The following TBCCD1 variants were observed in gnomAD, a reference collection of about 807,000 sequenced individuals.
The protein encoded by TBCCD1 is TBCC domain containing 1.
A neutral mutation model predicts 53.4 loss-of-function variants in TBCCD1; 26 were observed. The ratio of observed to expected loss-of-function variants is 0.49; its 90% CI spans 0.36 to 0.68. The LOEUF (loss-of-function observed/expected upper bound fraction) is 0.68. Among genes scored for constraint, TBCCD1 ranks in the 30% least tolerant of loss-of-function variants. The probability of loss-of-function intolerance (pLI) is 0.00; values close to 1 mark genes in which losing one functional copy is unlikely to be tolerated. For missense variants in TBCCD1, 558 were observed against 669.5 expected, an observed-to-expected ratio of 0.83 and a Z score of 1.84; for synonymous variants, 245 against 241.7, an observed-to-expected ratio of 1.01 and a Z score of -0.13.
chr3:186,551,244 T>C lies in TBCCD1; in HGVS notation c.1580A>G (p.Asn527Ser). 1 of 1,613,960 alleles carries C rather than the reference T, an allele frequency of 6.2e-7. No individual in the cohort carries two copies. The change falls in exon 7 of 8, where the codon AAC becomes AGC. Residue 527 changes from asparagine to serine, a missense_variant. By Grantham distance (46) the Asn-to-Ser change is conservative. Transcript: ENST00000338733. ...QRKQFQVLVENKFYEWLINTG... is the reference protein window; with the variant it reads ...QRKQFQVLVESKFYEWLINTG... ...ATTAATCAACCATTCATAAAACTTGTTCTCTACCAGTACCTGGAACTGCTT... is the reference window on the plus strand; with the variant it reads ...ATTAATCAACCATTCATAAAACTTGCTCTCTACCAGTACCTGGAACTGCTT...
intron 3 of TBCCD1, among the ~76,000 whole-genome samples, chr3:186,557,730 T>C (rs1026961425): frequency 2.0e-5 from 3 of 152,164 alleles, no homozygotes; most frequent in Non-Finnish European, 2.9e-5. Context: ...CCAAGAGTAA[T>C]AGCATCATGG....
intron 2 of TBCCD1, among the ~76,000 whole-genome samples, chr3:186,560,457 C>T (rs965964048): frequency 3.3e-5 from 5 of 152,174 alleles, no homozygotes; most frequent in Admixed American, 3.3e-4. Flanking sequence ...TGGCATTTCC[C>T]ATCTTCCTTT....
At chr3:186,561,253 A>C (rs1254036553) in intron 2 of TBCCD1, among the ~76,000 whole-genome samples, 1 of 152,226 alleles carries the variant, frequency 6.6e-6, no homozygotes, top group African/African-American at 2.4e-5. Flanking sequence ...AGAAAAACCA[A>C]ATAACCTAAT....
chr3:186,547,908 A>C (rs1331397980), intron 7 of TBCCD1, among the ~76,000 whole-genome samples: 3 of 152,226 alleles, frequency 2.0e-5, no homozygotes, highest in African/African-American at 7.2e-5. Flanking sequence ...TTTAAAAAAA[A>C]ATACACCCTT....
At chr3:186,550,074 A>G (rs766122158) in intron 7 of TBCCD1, among the ~76,000 whole-genome samples, 9 of 152,014 alleles carry the variant, frequency 5.9e-5, no homozygotes, top group Non-Finnish European at 1.2e-4. Flanking sequence ...TAAACATACA[A>G]AAATTAGCTG....
Position 186,564,114 on chromosome 3 carries a change from C to A in TBCCD1, c.216G>T (p.Ala72=), listed in dbSNP as rs1714758393. 1 of 1,614,084 alleles carries A rather than the reference C, an allele frequency of 6.2e-7. No homozygotes were observed. Among genetic ancestry groups the A allele is most frequent in the South Asian group, 1.1e-5 (1 of 91,092 alleles). The change falls in exon 2 of 8, where the codon GCG becomes GCT. Residue 72 remains alanine, a synonymous_variant. Coordinates refer to ENST00000338733, the MANE Select transcript of TBCCD1 (RefSeq NM_018138.5). ...TATCAAATATTTCGAAGTAAAGCCA[C>A]GCCAGGTCCTTGGCCAACTGCAGCT... is the stretch of plus-strand genomic sequence containing the variant. The part of the protein sequence containing the change: ...CGKLQLAKDL[A]WLYFEIFDSL...
rs1464243236 is a variant in TBCCD1 at position 186,546,187 on chromosome 3, T to G, written c.*790A>C. Reference sequence around the variant, plus strand: ...AATATAGTATAAAACTATTTCTATGTCTATATACCAACAAATCATACTTCC... The same window carrying G: ...AATATAGTATAAAACTATTTCTATGGCTATATACCAACAAATCATACTTCC... On this transcript the variant is annotated 3_prime_UTR_variant, in exon 8 of 8. Transcript: ENST00000338733. The G allele has an allele frequency of 6.6e-6, 1 of 152,216 alleles. No homozygotes were observed. Among genetic ancestry groups the G allele is most frequent in the Non-Finnish European group, 1.5e-5 (1 of 68,034 alleles). The allele number at this position is 152,216 out of a possible 1,614,324, so 9.4% of individuals were successfully genotyped here. A position where few individuals can be genotyped will look rare whatever the true frequency, so the allele number is the denominator to read the frequency against.
chr3:186,565,067 G>A (rs1714788226), intron 1 of TBCCD1, among the ~76,000 whole-genome samples: 1 of 151,462 alleles, frequency 6.6e-6, no homozygotes, highest in Non-Finnish European at 1.5e-5. Flanking sequence ...CACAAGTAAA[G>A]GGCAACAAAT....
chr3:186,570,402 T>A, upstream of TBCCD1: 1 of 480,850 alleles, frequency 2.1e-6, no homozygotes, highest in Non-Finnish European at 3.7e-6. Flanking sequence ...TGGTGGAAAG[T>A]CCGAGGAAGT....
rs552699909 is a variant in TBCCD1 at position 186,547,416 on chromosome 3, C to A, written c.*22-461G>T. 1.4e-3 allele frequency among the ~76,000 whole-genome samples: 219 copies of A among 151,820 alleles called. 2 individuals are homozygous for A. The highest frequency in any genetic ancestry group is 1.9e-3 in the Admixed American group (29 of 15,264). On this transcript the variant is annotated intron_variant, in intron 7 of 7. Coordinates refer to ENST00000338733, the MANE Select transcript of TBCCD1 (RefSeq NM_018138.5). ...GATTACAGGCATGTGCCACCATGCT[C>A]AGCTAATTTTTAATTTTTTTGTAGA...
intron 4 of TBCCD1, among the ~76,000 whole-genome samples, chr3:186,555,630 T>C (rs537913993): frequency 5.6e-4 from 86 of 152,232 alleles, no homozygotes; most frequent in African/African-American, 1.7e-3. Flanking sequence ...GCAATCTCAG[T>C]TCACTGTAAC....
rs200622836 is a variant in TBCCD1, at chr3:186,558,605, G to A, written c.337-33C>T. On this transcript the variant is annotated intron_variant, in intron 2 of 7. Transcript: ENST00000338733. ...AGAAGAAAATAAAAGATGAATAGAC[G>A]TTTTAAAACATCAACCACTAGTCTA... The A allele has an allele frequency of 2.9e-4, 467 of 1,600,148 alleles. 1 individual carries two copies. The highest frequency in any genetic ancestry group is 2.3e-4 in the Non-Finnish European group (265 of 1,173,332).
intron 6 of TBCCD1, among the ~76,000 whole-genome samples, chr3:186,551,617 C>A (rs980385059): frequency 1.3e-5 from 2 of 152,200 alleles, no homozygotes; most frequent in African/African-American, 4.8e-5. Flanking sequence ...GCACCATTCA[C>A]ATTGTGATCT....
intron 2 of TBCCD1, among the ~76,000 whole-genome samples, chr3:186,562,009 G>A (rs928383960): frequency 2.0e-4 from 31 of 152,146 alleles, no homozygotes; most frequent in African/African-American, 7.2e-4. Context: ...AAGAAAACTT[G>A]GCATGCATAT....
At chr3:186,555,719 T>C (rs1714521657) in intron 4 of TBCCD1, among the ~76,000 whole-genome samples, 1 of 152,096 alleles carries the variant, frequency 6.6e-6, no homozygotes, top group African/African-American at 2.4e-5. Context: ...CCACCACGCC[T>C]GGCTAATTTT....
In TBCCD1 at chr3:186,558,515, C is replaced by T. The variant is rs1714604285; in HGVS notation, c.394G>A (p.Val132Ile). 1 of 1,614,110 alleles carries T rather than the reference C, an allele frequency of 6.2e-7. No individual in the cohort carries two copies. Among genetic ancestry groups the T allele is most frequent in the Non-Finnish European group, 8.5e-7 (1 of 1,180,020 alleles). ...LFLYIQQLNKVSLRTSLIGEE... is the reference protein window; with the variant it reads ...LFLYIQQLNKISLRTSLIGEE... Reference sequence around the variant, plus strand: ...CCAATCAAAGATGTCCTTAGGGAGACCTTGTTCAACTGTTGAATGTATAAG... The same window carrying T: ...CCAATCAAAGATGTCCTTAGGGAGATCTTGTTCAACTGTTGAATGTATAAG... The change falls in exon 3 of 8, where the codon GTC (valine) becomes ATC (isoleucine). Residue 132 changes from valine (V) to isoleucine (I), a missense_variant. Transcript: ENST00000338733.
At chr3:186,562,793 A>G (rs909708462) in intron 2 of TBCCD1, among the ~76,000 whole-genome samples, 3 of 152,186 alleles carry the variant, frequency 2.0e-5, no homozygotes, top group Admixed American at 6.5e-5. Flanking sequence ...GTTTCACAGC[A>G]TATACTTATC....
intron 2 of TBCCD1, among the ~76,000 whole-genome samples, chr3:186,560,809 T>A (rs557365703): frequency 1.4e-4 from 21 of 152,228 alleles, no homozygotes; most frequent in African/African-American, 4.8e-4. Flanking sequence ...GCATCATGAG[T>A]CCAGAAACAA....
In TBCCD1 at chr3:186,546,166, T is replaced by C. The variant is rs185856938; in HGVS notation, c.*811A>G. 4.7e-4 allele frequency: 72 copies of C among 152,332 alleles called. No homozygotes were observed. In the East Asian group the frequency reaches 0.013, roughly 28 times the overall value. The allele number at this position is 152,332 out of a possible 1,614,324, so 9.4% of individuals were successfully genotyped here. A position where few individuals can be genotyped will look rare whatever the true frequency, so the allele number is the denominator to read the frequency against. Reference sequence around the variant, plus strand: ...GTTCCATACTTTAAGGACTAAAATATAGTATAAAACTATTTCTATGTCTAT... The same window carrying C: ...GTTCCATACTTTAAGGACTAAAATACAGTATAAAACTATTTCTATGTCTAT... On this transcript the variant is annotated 3_prime_UTR_variant, in exon 8 of 8. Transcript: ENST00000338733.
Sources: gnomAD v4.1 joint callset for allele counts (sites outside exome capture counted in the v4.1 genomes callset) on GRCh38, gnomAD v4.1.1 for gene constraint, MANE v1.5 for transcripts, NCBI Gene and HGNC (gene_info 2026-07-23, HGNC 2026-07-21) for gene names.